ATP8A1: variants seen among roughly 807,000 people sequenced by gnomAD.
ATP8A1 encodes phospholipid-transporting ATPase IA.
In ATP8A1, 90 loss-of-function variants were observed where a neutral mutation model predicts 177.7. The observed-to-expected ratio is 0.51, with a 90% CI of 0.43 to 0.60. The LOEUF (loss-of-function observed/expected upper bound fraction) is 0.60, where lower values mean the gene tolerates loss of function less well. Ranked by LOEUF, ATP8A1 falls within the 20% of genes least tolerant of loss-of-function variation. ATP8A1 has a pLI of 0.00. For missense variants in ATP8A1, 1,072 were observed against 1,392.8 expected (o/e 0.77, Z 3.67); for synonymous variants, 493 against 485.9 (o/e 1.01, Z -0.19).
chr4:42,494,801 C>T (rs1299331167), intron 24 of ATP8A1, among the ~76,000 whole-genome samples: 2 of 152,158 alleles, frequency 1.3e-5, no homozygotes, highest in African/African-American at 4.8e-5. Context: ...GCATAGGTGA[C>T]CACATCAATG....
chr4:42,482,607 A>T (rs945997078), intron 25 of ATP8A1, among the ~76,000 whole-genome samples: 1 of 152,094 alleles, frequency 6.6e-6, no homozygotes, highest in African/African-American at 2.4e-5. Flanking sequence ...TCAGCTGAAG[A>T]CTCTGGAGGG....
At chr4:42,495,784 G>A (rs1185380998) in intron 24 of ATP8A1, among the ~76,000 whole-genome samples, 1 of 151,990 alleles carries the variant, frequency 6.6e-6, no homozygotes, top group African/African-American at 2.4e-5. Flanking sequence ...AAAAACACAT[G>A]GTCAAAGAGG....
chr4:42,541,149 A>G (rs553584847), intron 20 of ATP8A1, among the ~76,000 whole-genome samples: 1 of 152,318 alleles, frequency 6.6e-6, no homozygotes, highest in South Asian at 2.1e-4. Context: ...ATAAATGAAT[A>G]AATACAATTA....
At chr4:42,581,871 AC>A in intron 9 of ATP8A1, 139 bp from the exon 10 acceptor site, 1 of 650,434 alleles carries the variant, frequency 1.5e-6, no homozygotes, top group Non-Finnish European at 2.6e-6. Context: ...TCCCCCCAGT[AC>A]AAATAATTTT....
At chr4:42,438,994 G>A (rs1348514629) in intron 33 of ATP8A1, among the ~76,000 whole-genome samples, 2 of 152,098 alleles carry the variant, frequency 1.3e-5, no homozygotes, top group Non-Finnish European at 2.9e-5. Context: ...TCAACACATT[G>A]AGAGAAATGG....
intron 30 of ATP8A1, among the ~76,000 whole-genome samples, chr4:42,451,059 A>G (rs911657335): frequency 5.9e-5 from 9 of 152,100 alleles, no homozygotes; most frequent in Non-Finnish European, 1.0e-4. Context: ...ATGGGGAACA[A>G]TTTGGAGGTG....
At chr4:42,447,959 C>A (rs1717465374) in intron 30 of ATP8A1, among the ~76,000 whole-genome samples, 1 of 152,152 alleles carries the variant, frequency 6.6e-6, no homozygotes, top group Non-Finnish European at 1.5e-5. Flanking sequence ...CATTCTCATA[C>A]TTCCTGGTCT....
intron 15 of ATP8A1, among the ~76,000 whole-genome samples, chr4:42,556,424 TATACA>T (rs1198856211): frequency 5.9e-5 from 9 of 152,136 alleles, no homozygotes; most frequent in Non-Finnish European, 1.2e-4. Flanking sequence ...CGAAAGCTAT[TATACA>T]AAATATTCTT....
In ATP8A1 at chr4:42,411,460, A is replaced by T. The variant is rs531550355; in HGVS notation, c.*1456T>A. The T allele has an allele frequency of 4.6e-5, 7 of 152,354 alleles. No homozygotes were observed. The South Asian group carries it at 1.4e-3, about 32-fold the overall frequency. 9.4% of individuals were successfully genotyped at this position (152,354 alleles called of 1,614,324 possible). ...AAGCAGGCTTTTGAGTAAAAGGCAA[A>T]TAGTTTGCTTCAATCTCTGAAGTGT... On this transcript the variant is annotated 3_prime_UTR_variant, in exon 37 of 37. Coordinates refer to ENST00000381668, the MANE Select transcript of ATP8A1 (RefSeq NM_006095.2).
intron 20 of ATP8A1, among the ~76,000 whole-genome samples, chr4:42,540,261 T>C (rs1728250695): frequency 6.6e-6 from 1 of 152,054 alleles, no homozygotes; most frequent in Admixed American, 6.6e-5. Context: ...ATGGCTATTA[T>C]CAAAAAGACA....
Position 42,455,565 on chromosome 4 carries a change from T to C in ATP8A1, c.2654A>G (p.Gln885Arg). ...WFAFVNGFSG[Q>R]ILFERWCIGL... is the part of the protein sequence containing the mutation. ...TATACACCATCTTTCAAAGAGGATC[T>C]GTCCAGAAAAGCCATTAACAAAGGC... The change falls in exon 28 of 37, where the codon CAG (glutamine) becomes CGG (arginine). Residue 885 changes from glutamine to arginine, a missense_variant. By Grantham distance (43) the Gln-to-Arg change is conservative. Around this residue, in one of 5 missense-constraint regions of ATP8A1, gnomAD observed 316 missense variants for 459.1 expected, o/e 0.69. Transcript: ENST00000381668. 6.2e-7 allele frequency: 1 copy of C among 1,613,698 alleles called. No individual in the cohort carries two copies. Among genetic ancestry groups the C allele is most frequent in the Non-Finnish European group, 8.5e-7 (1 of 1,179,780 alleles).
chr4:42,526,734 T>G (rs1477785671), intron 20 of ATP8A1, among the ~76,000 whole-genome samples: 3 of 152,200 alleles, frequency 2.0e-5, no homozygotes, highest in African/African-American at 4.8e-5. Context: ...TTTATTCTAT[T>G]AATTCTGTCC....
chr4:42,584,608 C>T (rs1733431589), intron 9 of ATP8A1, among the ~76,000 whole-genome samples: 1 of 152,198 alleles, frequency 6.6e-6, no homozygotes, highest in African/African-American at 2.4e-5. Context: ...CCATCTCTTT[C>T]ACTAGTGCCT....
At chr4:42,498,679 T>C (rs188304802) in intron 24 of ATP8A1, among the ~76,000 whole-genome samples, 9 of 152,006 alleles carry the variant, frequency 5.9e-5, no homozygotes, top group East Asian at 1.9e-4. Flanking sequence ...AACTCTCCTC[T>C]AGAAATAATA....
At chr4:42,542,371 C>T (rs945673747) in intron 20 of ATP8A1, among the ~76,000 whole-genome samples, 8 of 151,900 alleles carry the variant, frequency 5.3e-5, no homozygotes, top group African/African-American at 9.7e-5. Flanking sequence ...GGATGTGATT[C>T]GGGTTTTGTA....
intron 25 of ATP8A1, among the ~76,000 whole-genome samples, chr4:42,475,638 T>A (rs1458169020): frequency 1.3e-5 from 2 of 152,044 alleles, no homozygotes; most frequent in Non-Finnish European, 2.9e-5. Context: ...GAAAATTAGA[T>A]ATAATTTATA....
In ATP8A1 at chr4:42,422,971, C is replaced by G. The variant is rs186434689; in HGVS notation, c.3213-72G>C. 6.4e-4 allele frequency: 754 copies of G among 1,181,134 alleles called. 5 individuals carry two copies. In the Middle Eastern group the frequency reaches 0.011, roughly 18 times the overall value. 73.2% of individuals were successfully genotyped at this position (1,181,134 alleles called of 1,614,324 possible). A position where few individuals can be genotyped will look rare whatever the true frequency, so the allele number is the denominator to read the frequency against. The stretch of plus-strand genomic sequence containing the variant: ...AGATTTTACAAAACTAGATGTCTGG[C>G]TTATTATCACGCGGTTGATAAAGCA... On this transcript the variant is annotated intron_variant, in intron 34 of 36. Coordinates refer to ENST00000381668, the MANE Select transcript of ATP8A1 (RefSeq NM_006095.2).
chr4:42,587,819 AG>A (rs1326532061), intron 8 of ATP8A1, among the ~76,000 whole-genome samples: 1 of 151,984 alleles, frequency 6.6e-6, no homozygotes, highest in African/African-American at 2.4e-5. Flanking sequence ...CGTGTTAGCC[AG>A]GATGGTCTCG....
chr4:42,421,800 A>C (rs947902679), intron 35 of ATP8A1, among the ~76,000 whole-genome samples: 2 of 152,156 alleles, frequency 1.3e-5, no homozygotes, highest in African/African-American at 4.8e-5. Flanking sequence ...CTTTAGTATG[A>C]TAAAAATGAA....
Sources: gnomAD v4.1 joint callset for allele counts (sites outside exome capture counted in the v4.1 genomes callset) on GRCh38, gnomAD v4.1.1 for gene constraint, gnomAD v4.1.1 regional missense constraint, MANE v1.5 for transcripts, NCBI Gene and HGNC (gene_info 2026-07-23, HGNC 2026-07-21) for gene names.